GNAO1: variants seen among roughly 807,000 people sequenced by gnomAD.
GNAO1 encodes the protein guanine nucleotide-binding protein G(o) subunit alpha.
For synonymous variants in GNAO1, 164 were observed against 180.7 expected (o/e 0.91, Z 0.74); for missense variants, 166 against 478.7 (o/e 0.35, Z 6.10).
intron 3 of GNAO1, among the ~76,000 whole-genome samples, chr16:56,309,226 C>A (rs1468137909): frequency 6.6e-6 from 1 of 152,190 alleles, no homozygotes; most frequent in Non-Finnish European, 1.5e-5. Flanking sequence ...CCAGAAGTTA[C>A]CATGACAACA....
rs536361438 is a variant in GNAO1 at position 56,292,197 on chromosome 16, G to A, written c.303+16125G>A. Among the ~76,000 whole-genome samples, 3 of 152,280 alleles carry A rather than the reference G, an allele frequency of 2.0e-5. No individual in the cohort carries two copies. The South Asian group carries it at 6.2e-4, about 32-fold the overall frequency. On this transcript the variant is annotated intron_variant, in intron 3 of 8. Coordinates refer to ENST00000262493, the MANE Select transcript of GNAO1 (RefSeq NM_020988.3). ...AGTTTGGGGGCTTCTAAGGCTGTGT[G>A]CTGAGTTGTGCCTGAAGCAGGAGGA...
rs2036179795 is a variant in GNAO1 at position 56,192,060 on chromosome 16, C to T, written c.-176C>T. Reference sequence around the variant, plus strand: ...GTCTCCGCTGCTGGAATCTTGTTAGCGGCTGTCTTTTTGGAGGGTTCTGGT... The same window carrying T: ...GTCTCCGCTGCTGGAATCTTGTTAGTGGCTGTCTTTTTGGAGGGTTCTGGT... On this transcript the variant is annotated 5_prime_UTR_variant, in exon 1 of 9. Transcript: ENST00000262493. 8.5e-6 allele frequency: 5 copies of T among 590,926 alleles called. No homozygotes were observed. The highest frequency in any genetic ancestry group is 5.6e-5 in the African/African-American group (3 of 53,588). 36.6% of individuals were successfully genotyped at this position (590,926 alleles called of 1,614,324 possible). A position where few individuals can be genotyped will look rare whatever the true frequency, so the allele number is the denominator to read the frequency against.
rs112043920 is a variant in GNAO1, at chr16:56,349,159, C to T, written c.724-2225C>T. The stretch of plus-strand genomic sequence containing the variant: ...GTGGAACTGTGGAGCCTAAATGAGC[C>T]GGACTTGATTTCTCCTCCACACCTA... On this transcript the variant is annotated intron_variant, in intron 6 of 8. Coordinates refer to ENST00000262493, the MANE Select transcript of GNAO1 (RefSeq NM_020988.3). 2.8e-3 allele frequency among the ~76,000 whole-genome samples: 423 copies of T among 152,250 alleles called. 3 individuals are homozygous for T. Among genetic ancestry groups the T allele is most frequent in the African/African-American group, 8.5e-3 (355 of 41,536 alleles).
intron 2 of GNAO1, among the ~76,000 whole-genome samples, chr16:56,264,879 C>A (rs1352770274): frequency 1.3e-5 from 2 of 151,036 alleles, no homozygotes; most frequent in Admixed American, 1.3e-4. Flanking sequence ...CTAAAGTGGT[C>A]ATAATTATTT....
At chr16:56,289,765 T>G (rs2037211842) in intron 3 of GNAO1, among the ~76,000 whole-genome samples, 1 of 152,116 alleles carries the variant, frequency 6.6e-6, no homozygotes, top group African/African-American at 2.4e-5. Flanking sequence ...CACATTTTAT[T>G]GATTGGCCCA....
intron 2 of GNAO1, among the ~76,000 whole-genome samples, chr16:56,262,273 G>A (rs1216163697): frequency 6.6e-6 from 1 of 152,224 alleles, no homozygotes; most frequent in African/African-American, 2.4e-5. Context: ...TCGCAAGGGA[G>A]CCAGGAGGAA....
Sources: gnomAD v4.1 joint callset for allele counts (sites outside exome capture counted in the v4.1 genomes callset) on GRCh38, gnomAD v4.1.1 for gene constraint, MANE v1.5 for transcripts, NCBI Gene and HGNC (gene_info 2026-07-23, HGNC 2026-07-21) for gene names.